SNAP91: variants seen among roughly 807,000 people sequenced by gnomAD.
The protein encoded by SNAP91 is clathrin coat assembly protein AP180.
SNAP91 carries 27 observed loss-of-function variants against 100.3 expected under a neutral mutation model. That is an observed-to-expected ratio of 0.27 (90% CI 0.20 to 0.37). The LOEUF (loss-of-function observed/expected upper bound fraction) is 0.37. Ranked by LOEUF, SNAP91 falls within the 10% of genes least tolerant of loss-of-function variation. SNAP91 has a pLI of 1.00. For synonymous variants in SNAP91, 404 were observed against 398.6 expected, an observed-to-expected ratio of 1.01 and a Z score of -0.16; for missense variants, 986 against 1,123.7, an observed-to-expected ratio of 0.88 and a Z score of 1.75.
At chr6:83,697,043 C>T (rs1019166730) in intron 2 of SNAP91, among the ~76,000 whole-genome samples, 1 of 151,928 alleles carries the variant, frequency 6.6e-6, no homozygotes, top group Non-Finnish European at 1.5e-5. Flanking sequence ...TTTACAAAGG[C>T]AAAAGAACCC....
Position 83,593,683 on chromosome 6 carries a change from T to G in SNAP91, c.1491A>C (p.Ala497=). The part of the protein sequence containing the change: ...AEAAPELDLF[A]MKPPETSVPV... ...GAACACTGGTCTCAGGTGGCTTCAT[T>G]GCAAAGAGGTCCAGCTCAGGTGCAG... is the stretch of plus-strand genomic sequence containing the variant. Residue 497 remains alanine (A), a synonymous_variant, in exon 18 of 30, where the codon GCA becomes GCC. Transcript: ENST00000369694. 2 of 1,610,464 alleles carry G rather than the reference T, an allele frequency of 1.2e-6. No homozygotes were observed. The highest frequency in any genetic ancestry group is 1.7e-6 in the Non-Finnish European group (2 of 1,177,124).
At chr6:83,653,966 T>C (rs1054191906) in intron 7 of SNAP91, among the ~76,000 whole-genome samples, 1 of 152,186 alleles carries the variant, frequency 6.6e-6, no homozygotes, top group Admixed American at 6.6e-5. Flanking sequence ...TAGTTGCTCC[T>C]TCTTAAGGAC....
intron 8 of SNAP91, among the ~76,000 whole-genome samples, chr6:83,633,591 T>C (rs2097299161): frequency 6.6e-6 from 1 of 151,964 alleles, no homozygotes; most frequent in African/African-American, 2.4e-5. Context: ...CCCAGGTCAA[T>C]GGAGTTATGT....
chr6:83,586,095 G>A (rs34986572), intron 22 of SNAP91, among the ~76,000 whole-genome samples: 26,643 of 152,010 alleles, frequency 0.18, 2,991 homozygotes, highest in South Asian at 0.27. Context: ...TGATCTGCCC[G>A]CCTCGGCCTC....
chr6:83,688,407 T>C (rs2099088571), intron 2 of SNAP91, among the ~76,000 whole-genome samples: 1 of 152,158 alleles, frequency 6.6e-6, no homozygotes, highest in Non-Finnish European at 1.5e-5. Context: ...AGCCCCAACC[T>C]TCCTTTCTTT....
chr6:83,589,320 G>C (rs115526173), intron 22 of SNAP91, among the ~76,000 whole-genome samples: 4,167 of 152,234 alleles, frequency 0.027, 192 homozygotes, highest in African/African-American at 0.093. Flanking sequence ...TTTGTGTTAA[G>C]TGTACTGCCT....
At chr6:83,665,679 C>A in intron 2 of SNAP91, 98 bp from the exon 3 acceptor site, 1 of 1,015,734 alleles carries the variant, frequency 9.8e-7, no homozygotes, top group South Asian at 1.8e-5. Context: ...AATATATGAC[C>A]TTAAAAGTAC....
chr6:83,615,982 T>C (rs1260773914), intron 10 of SNAP91, among the ~76,000 whole-genome samples: 2 of 152,190 alleles, frequency 1.3e-5, no homozygotes, highest in African/African-American at 4.8e-5. Flanking sequence ...AACAGAAAGC[T>C]GGTATCATCA....
intron 7 of SNAP91, among the ~76,000 whole-genome samples, chr6:83,642,904 T>A (rs2097768608): frequency 6.6e-6 from 1 of 152,232 alleles, no homozygotes; most frequent in Non-Finnish European, 1.5e-5. Flanking sequence ...AGATGGTATC[T>A]CATTGTGGTT....
At chr6:83,608,823 G>T (rs558312869) in intron 12 of SNAP91, among the ~76,000 whole-genome samples, 1 of 152,160 alleles carries the variant, frequency 6.6e-6, no homozygotes, top group African/African-American at 2.4e-5. Flanking sequence ...CAAGCATTTA[G>T]CACTTCAAGA....
At chr6:83,609,856 A>G (rs1349430522) in intron 12 of SNAP91, among the ~76,000 whole-genome samples, 2 of 152,354 alleles carry the variant, frequency 1.3e-5, no homozygotes, top group African/African-American at 4.8e-5. Flanking sequence ...ACTCTGATTT[A>G]GAATATGTAA....
chr6:83,684,358 A>G (rs1048281105), intron 2 of SNAP91, among the ~76,000 whole-genome samples: 1 of 152,168 alleles, frequency 6.6e-6, no homozygotes, highest in Non-Finnish European at 1.5e-5. Flanking sequence ...ACTTCTTCAC[A>G]TACAACACAC....
chr6:83,594,340 A>C, intron 17 of SNAP91, 34 bp downstream of exon 17: 1 of 1,490,912 alleles, frequency 6.7e-7, no homozygotes, highest in South Asian at 1.2e-5. Context: ...TTAGGACAGA[A>C]GAATAACAGA....
At position 83,560,884 on chromosome 6, in the gene SNAP91, G is replaced by A. The variant is rs766775905; in HGVS notation, c.2506C>T (p.Pro836Ser). The A allele has an allele frequency of 5.6e-6, 9 of 1,613,604 alleles. No homozygotes were observed. The South Asian group carries it at 9.9e-5, about 18-fold the overall frequency. ...PVAGAPSVGQPGAGFGMPPAG... is the reference protein window; with the variant it reads ...PVAGAPSVGQSGAGFGMPPAG... Reference sequence around the variant, plus strand: ...CTCACCATTCCAAATCCTGCTCCAGGTTGTCCAACCGATGGGGCCCCGGCA... The same window carrying A: ...CTCACCATTCCAAATCCTGCTCCAGATTGTCCAACCGATGGGGCCCCGGCA... The change falls in exon 27 of 30, where the codon CCT (proline) becomes TCT (serine). Residue 836 changes from proline to serine, a missense_variant. Transcript: ENST00000369694.
At chr6:83,623,227 C>T in intron 9 of SNAP91, 74 bp downstream of exon 9, 1 of 1,182,884 alleles carries the variant, frequency 8.5e-7, no homozygotes, top group South Asian at 1.4e-5. Context: ...GCTTACAAGA[C>T]TATGCCCATT....
chr6:83,559,262 G>A (rs1248768366), intron 28 of SNAP91, among the ~76,000 whole-genome samples: 1 of 152,104 alleles, frequency 6.6e-6, no homozygotes, highest in African/African-American at 2.4e-5. Flanking sequence ...TGAAGATTGA[G>A]TTCCACAAAA....
At chr6:83,631,283 T>C (rs1473235656) in intron 8 of SNAP91, among the ~76,000 whole-genome samples, 1 of 152,116 alleles carries the variant, frequency 6.6e-6, no homozygotes, top group Non-Finnish European at 1.5e-5. Context: ...TTGAAGAAAG[T>C]TCCATGTGCT....
At chr6:83,644,290 C>T (rs573676853) in intron 7 of SNAP91, among the ~76,000 whole-genome samples, 4 of 152,162 alleles carry the variant, frequency 2.6e-5, no homozygotes, top group South Asian at 2.1e-4. Context: ...AAAAAGCACT[C>T]GATCATTGTG....
At chr6:83,670,767 T>G (rs2098771325) in intron 2 of SNAP91, among the ~76,000 whole-genome samples, 1 of 151,968 alleles carries the variant, frequency 6.6e-6, no homozygotes, top group South Asian at 2.1e-4. Context: ...AACTATTCTT[T>G]CTCCAGTGAA....
Sources: gnomAD v4.1 joint callset for allele counts (sites outside exome capture counted in the v4.1 genomes callset) on GRCh38, gnomAD v4.1.1 for gene constraint, MANE v1.5 for transcripts, NCBI Gene and HGNC (gene_info 2026-07-23, HGNC 2026-07-21) for gene names.